The following MGST2 variants were observed in gnomAD, a reference collection of about 807,000 sequenced individuals.
MGST2 encodes glutathione peroxidase MGST2.
A neutral mutation model predicts 16.6 loss-of-function variants in MGST2; 9 were observed. The observed-to-expected ratio is 0.54, with a 90% CI of 0.33 to 0.95. The LOEUF (loss-of-function observed/expected upper bound fraction) is 0.95. Among genes scored for constraint, MGST2 ranks in the 40% least tolerant of loss-of-function variants. The probability of loss-of-function intolerance (pLI) is 0.03; values close to 1 mark genes in which losing one functional copy is unlikely to be tolerated. For synonymous variants in MGST2, 79 were observed against 68.0 expected (o/e 1.16, Z -0.79); for missense variants, 159 against 175.1 (o/e 0.91, Z 0.52).
chr4:139,692,749 T>C (rs1560748691), intron 2 of MGST2, among the ~76,000 whole-genome samples: 1 of 152,202 alleles, frequency 6.6e-6, no homozygotes, highest in African/African-American at 2.4e-5. Flanking sequence ...TTCTCCTTGC[T>C]CAAAGGCCTT....
intron 3 of MGST2, among the ~76,000 whole-genome samples, chr4:139,697,748 C>G (rs1727007956): frequency 6.6e-6 from 1 of 152,150 alleles, no homozygotes; most frequent in Non-Finnish European, 1.5e-5. Context: ...ATGGAATCTA[C>G]TGTATGATAA....
intron 2 of MGST2, among the ~76,000 whole-genome samples, chr4:139,688,945 A>G (rs903861697): frequency 6.6e-6 from 1 of 152,014 alleles, no homozygotes; most frequent in Admixed American, 6.6e-5. Flanking sequence ...CGTCTCTACT[A>G]AAAATTACAA....
chr4:139,691,921 C>T (rs552124992), intron 2 of MGST2, among the ~76,000 whole-genome samples: 3 of 152,202 alleles, frequency 2.0e-5, no homozygotes, highest in East Asian at 1.9e-4. Context: ...AGGACGGTCT[C>T]GATCTCCTGA....
Position 139,673,124 on chromosome 4 carries a change from G to A in MGST2, c.59-5419G>A, listed in dbSNP as rs113336627. ...AACATTTTTAAAATATTAGCAGGTAGGAAACAGATATTGAGGTACTAAAAC... is the reference window on the plus strand; with the variant it reads ...AACATTTTTAAAATATTAGCAGGTAAGAAACAGATATTGAGGTACTAAAAC... On this transcript the variant is annotated intron_variant, in intron 1 of 4. Transcript: ENST00000265498. Among the ~76,000 whole-genome samples the A allele has an allele frequency of 9.9e-4, 150 of 152,282 alleles. 1 individual carries two copies. Among genetic ancestry groups the A allele is most frequent in the African/African-American group, 3.5e-3 (147 of 41,554 alleles).
intron 3 of MGST2, chr4:139,698,164 T>C: frequency 6.4e-7 from 1 of 1,554,986 alleles, no homozygotes. Context: ...TCTCCACGTA[T>C]GCTGTGTGCT....
the MGST2 span, among the ~76,000 whole-genome samples, chr4:139,746,125 G>A: frequency 1.3e-5 from 2 of 152,164 alleles, no homozygotes; most frequent in Non-Finnish European, 2.9e-5. Context: ...TAAGCTCTCA[G>A]TTGGATTTTT....
Position 139,665,856 on chromosome 4 carries a change from C to A in MGST2, c.-164C>A. On this transcript the variant is annotated 5_prime_UTR_variant, in exon 1 of 5. Coordinates refer to ENST00000265498, the MANE Select transcript of MGST2 (RefSeq NM_002413.5). ...GACCGGCAGCCCCAGACCTGCCTGCCTTCCTGACTTCTGTTCCAGAGCAAA... is the reference window on the plus strand; with the variant it reads ...GACCGGCAGCCCCAGACCTGCCTGCATTCCTGACTTCTGTTCCAGAGCAAA... 2 of 722,576 alleles carry A rather than the reference C, an allele frequency of 2.8e-6. No homozygotes were observed. Among genetic ancestry groups the A allele is most frequent in the Non-Finnish European group, 2.5e-6 (1 of 403,862 alleles). 44.8% of individuals were successfully genotyped at this position (722,576 alleles called of 1,614,324 possible). A position where few individuals can be genotyped will look rare whatever the true frequency, so the allele number is the denominator to read the frequency against.
At chr4:139,740,970 G>A (rs141915181), downstream of MGST2, among the ~76,000 whole-genome samples, 647 of 152,278 alleles carry the variant, frequency 4.2e-3, 3 homozygotes, top group African/African-American at 0.014. Flanking sequence ...GGGAGGGCCC[G>A]TGTCAGCCTG....
chr4:139,719,318 C>G lies in MGST2; in HGVS notation c.*48+15122C>G, dbSNP rs764660148. 44 of 1,562,238 alleles carry G rather than the reference C, an allele frequency of 2.8e-5. 1 individual carries two copies. The East Asian group carries it at 9.7e-4, about 34-fold the overall frequency. ...TCGAGTTGTGGATCTTGGGGCCTCT[C>G]TTGATTAGGGGTTACCAAACAATTC... On this transcript the variant is annotated intron_variant, in intron 5 of 5. Coordinates refer to the MGST2 transcript ENST00000616265.
At chr4:139,707,958 C>T (rs1358982536), downstream of MGST2, among the ~76,000 whole-genome samples, 3 of 151,560 alleles carry the variant, frequency 2.0e-5, no homozygotes, top group Non-Finnish European at 4.4e-5. Context: ...GGATATTAGC[C>T]CTTTGTCAGA....
chr4:139,675,929 T>C (rs1169945210), intron 1 of MGST2, among the ~76,000 whole-genome samples: 1 of 152,108 alleles, frequency 6.6e-6, no homozygotes, highest in East Asian at 1.9e-4. Flanking sequence ...TACATATAAA[T>C]TTTGGGGAAA....
Position 139,735,472 on chromosome 4 carries a change from G to A in MGST2, c.*49-4740G>A, listed in dbSNP as rs554541125. Reference sequence around the variant, plus strand: ...GTAGGGGGGCAGTGGCGACCTCCGGGGGGGGAGGGTGGCGGACACCAGACC... The same window carrying A: ...GTAGGGGGGCAGTGGCGACCTCCGGAGGGGGAGGGTGGCGGACACCAGACC... On this transcript the variant is annotated intron_variant, in intron 5 of 5. Coordinates refer to the MGST2 transcript ENST00000616265. The surrounding 1 kb of genome is among the most constrained non-coding windows in gnomAD (Gnocchi z 5.8). Among the ~76,000 whole-genome samples, 10 of 151,896 alleles carry A rather than the reference G, an allele frequency of 6.6e-5. No homozygotes were observed. Among genetic ancestry groups the A allele is most frequent in the South Asian group, 2.1e-4 (1 of 4,802 alleles).
At chr4:139,754,236 T>G in the MGST2 span, among the ~76,000 whole-genome samples, 1 of 152,328 alleles carries the variant, frequency 6.6e-6, no homozygotes, top group African/African-American at 2.4e-5. Context: ...ATGTAAAAAA[T>G]CACTAATTTT....
At chr4:139,744,651 C>G (rs1215792974), downstream of MGST2, among the ~76,000 whole-genome samples, 5 of 152,216 alleles carry the variant, frequency 3.3e-5, no homozygotes, top group Non-Finnish European at 7.3e-5. Context: ...CCCAGTACCC[C>G]AGCACAATGG....
At chr4:139,670,793 A>G (rs1730645845) in intron 1 of MGST2, among the ~76,000 whole-genome samples, 1 of 152,008 alleles carries the variant, frequency 6.6e-6, no homozygotes, top group Admixed American at 6.6e-5. Context: ...ACTCACCTGT[A>G]ATCCCAGCCA....
chr4:139,722,909 A>G (rs1560768771), intron 5 of MGST2, among the ~76,000 whole-genome samples: 1 of 152,244 alleles, frequency 6.6e-6, no homozygotes, highest in African/African-American at 2.4e-5. Flanking sequence ...AACAAATTAT[A>G]TATCTCAAAC....
chr4:139,745,033 G>T (rs902700240), downstream of MGST2, among the ~76,000 whole-genome samples: 1 of 152,176 alleles, frequency 6.6e-6, no homozygotes, highest in African/African-American at 2.4e-5. Flanking sequence ...GTTTCTACTC[G>T]CTCTAACATT....
chr4:139,694,538 TA>T (rs1726807768), intron 2 of MGST2, among the ~76,000 whole-genome samples: 1 of 152,170 alleles, frequency 6.6e-6, no homozygotes, highest in African/African-American at 2.4e-5. Flanking sequence ...GCAGATGAAT[TA>T]ATTATAGTTC....
downstream of MGST2, among the ~76,000 whole-genome samples, chr4:139,745,254 G>T (rs893804351): frequency 6.6e-6 from 1 of 151,860 alleles, no homozygotes; most frequent in Admixed American, 6.6e-5. Context: ...GGACAGATCT[G>T]CATGCAGGCA....
Sources: gnomAD v4.1 joint callset for allele counts (sites outside exome capture counted in the v4.1 genomes callset) on GRCh38, gnomAD v4.1.1 for gene constraint, Gnocchi (gnomAD v3.1) non-coding constraint, MANE v1.5 for transcripts, NCBI Gene and HGNC (gene_info 2026-07-23, HGNC 2026-07-21) for gene names.